The following DSCAM variants were observed in gnomAD, a reference collection of about 807,000 sequenced individuals.
DSCAM encodes DS cell adhesion molecule, also known as cell adhesion molecule DSCAM.
In DSCAM, 47 loss-of-function variants were observed where a neutral mutation model predicts 217.7. The ratio of observed to expected loss-of-function variants is 0.22; its 90% CI spans 0.17 to 0.28. The LOEUF is 0.28. Among genes scored for constraint, DSCAM ranks in the 10% least tolerant of loss-of-function variants. The pLI, the probability that DSCAM is intolerant of heterozygous loss-of-function variation, is 1.00. For missense variants in DSCAM, 2,080 were observed against 2,618.3 expected (o/e 0.79, Z 4.49); for synonymous variants, 1,056 against 1,015.3 (o/e 1.04, Z -0.76).
chr21:40,749,890 C>A (rs763542192), intron 1 of DSCAM, among the ~76,000 whole-genome samples: 5 of 151,984 alleles, frequency 3.3e-5, no homozygotes, highest in Admixed American at 6.6e-5. Context: ...TTATTTCTCC[C>A]ACGTAGCCTC....
At chr21:40,695,261 G>A (rs2090583520) in intron 2 of DSCAM, among the ~76,000 whole-genome samples, 1 of 152,056 alleles carries the variant, frequency 6.6e-6, no homozygotes, top group African/African-American at 2.4e-5. Context: ...CCCACCAGGT[G>A]TACAGCCTAC....
At chr21:40,614,827 A>T (rs2089366645) in intron 3 of DSCAM, among the ~76,000 whole-genome samples, 1 of 152,236 alleles carries the variant, frequency 6.6e-6, no homozygotes, top group Non-Finnish European at 1.5e-5. Flanking sequence ...TTTCAGAAGA[A>T]CATCAACAGG....
chr21:40,802,674 C>A (rs1473942861), intron 1 of DSCAM, among the ~76,000 whole-genome samples: 3 of 152,136 alleles, frequency 2.0e-5, no homozygotes, highest in Non-Finnish European at 4.4e-5. Flanking sequence ...GGCTTCGTAA[C>A]AGGAGAAAGA....
intron 3 of DSCAM, among the ~76,000 whole-genome samples, chr21:40,635,557 G>T (rs890935152): frequency 2.0e-5 from 3 of 152,204 alleles, no homozygotes; most frequent in Admixed American, 6.5e-5. Context: ...GTATGCCGGT[G>T]TGTGCGTGGG....
At chr21:40,548,635 T>A (rs940293915) in intron 3 of DSCAM, among the ~76,000 whole-genome samples, 91 of 152,216 alleles carry the variant, frequency 6.0e-4, no homozygotes, top group African/African-American at 2.1e-3. Flanking sequence ...ATTACAGCAG[T>A]TTTTTTCTTT....
At chr21:40,465,771 T>C (rs1422645201) in intron 3 of DSCAM, among the ~76,000 whole-genome samples, 1 of 152,064 alleles carries the variant, frequency 6.6e-6, no homozygotes, top group Non-Finnish European at 1.5e-5. Context: ...TTCTAGAGAA[T>C]AAAATTATAT....
At chr21:40,431,202 G>A (rs991311987) in intron 3 of DSCAM, among the ~76,000 whole-genome samples, 2 of 152,202 alleles carry the variant, frequency 1.3e-5, no homozygotes, top group East Asian at 1.9e-4. Context: ...GTAATGGGGT[G>A]TACAACTGGC....
At chr21:40,440,149 A>G (rs2145911744) in intron 3 of DSCAM, among the ~76,000 whole-genome samples, 1 of 152,362 alleles carries the variant, frequency 6.6e-6, no homozygotes, top group Admixed American at 6.5e-5. Flanking sequence ...CATTTGGGTG[A>G]TCAGCATCCA....
chr21:40,442,693 G>T (rs920038908), intron 3 of DSCAM, among the ~76,000 whole-genome samples: 5 of 151,862 alleles, frequency 3.3e-5, no homozygotes, highest in Non-Finnish European at 7.4e-5. Flanking sequence ...TGTATTTTCA[G>T]TAAAGACGGG....
rs781279912 is a variant in DSCAM, at chr21:40,189,165, C to T, written c.2430G>A (p.Thr810=). Residue 810 remains threonine (T), a synonymous_variant, in exon 12 of 33, where the codon ACG becomes ACA. Coordinates refer to ENST00000400454, the MANE Select transcript of DSCAM (RefSeq NM_001389.5). ...TQGQKKEMSC[T]AHGEKPIIVR... Reference sequence around the variant, plus strand: ...CTATAATGGGCTTCTCACCATGCGCCGTGCAGCTCATCTCCTTTTTCTGCC... The same window carrying T: ...CTATAATGGGCTTCTCACCATGCGCTGTGCAGCTCATCTCCTTTTTCTGCC... The T allele has an allele frequency of 2.3e-5, 37 of 1,613,782 alleles. No homozygotes were observed. The highest frequency in any genetic ancestry group is 8.8e-5 in the South Asian group (8 of 91,008).
intron 2 of DSCAM, among the ~76,000 whole-genome samples, chr21:40,698,440 G>A (rs62223025): frequency 0.13 from 20,289 of 152,142 alleles, 1,424 homozygotes; most frequent in Admixed American, 0.19. Flanking sequence ...AAACTTAGGC[G>A]ATGTCCAGGA....
At chr21:40,573,092 C>T (rs1206933258) in intron 3 of DSCAM, among the ~76,000 whole-genome samples, 1 of 152,168 alleles carries the variant, frequency 6.6e-6, no homozygotes, top group Non-Finnish European at 1.5e-5. Flanking sequence ...GATCCCAGCA[C>T]TTTGAGAGGC....
chr21:40,093,584 C>A, intron 21 of DSCAM, 137 bp downstream of exon 21: 3 of 1,074,960 alleles, frequency 2.8e-6, no homozygotes, highest in Non-Finnish European at 4.1e-6. Context: ...TTAGCCACAA[C>A]CCTGTTTCTT....
chr21:40,124,739 C>A (rs2090076450), intron 19 of DSCAM, among the ~76,000 whole-genome samples: 1 of 152,082 alleles, frequency 6.6e-6, no homozygotes, highest in African/African-American at 2.4e-5. Flanking sequence ...TAAAGAGAAC[C>A]AGCCCTGCAG....
chr21:40,112,775 A>G lies in DSCAM; in HGVS notation c.3696+11420T>C, dbSNP rs374396905. Among the ~76,000 whole-genome samples the G allele has an allele frequency of 8.5e-5, 13 of 152,340 alleles. No homozygotes were observed. The East Asian group carries it at 9.6e-4, about 11-fold the overall frequency. On this transcript the variant is annotated intron_variant, in intron 20 of 32. Coordinates refer to ENST00000400454, the MANE Select transcript of DSCAM (RefSeq NM_001389.5). ...CAGAAATACAAACTACCATCAGAGA[A>G]TACTATACACACCTCTATGCAAATA... is the stretch of plus-strand genomic sequence containing the variant.
At chr21:40,431,478 A>G (rs183667129) in intron 3 of DSCAM, among the ~76,000 whole-genome samples, 178 of 152,220 alleles carry the variant, frequency 1.2e-3, no homozygotes, top group African/African-American at 4.2e-3. Flanking sequence ...AGCCTACTCA[A>G]TGTGAAGACG....
chr21:40,347,416 G>T (rs561963563), intron 6 of DSCAM, among the ~76,000 whole-genome samples: 9 of 152,216 alleles, frequency 5.9e-5, no homozygotes, highest in African/African-American at 1.7e-4. Context: ...AACCCTGGCA[G>T]ATAACTTCTA....
At chr21:40,568,316 T>TA (rs1197459055) in intron 3 of DSCAM, among the ~76,000 whole-genome samples, 10 of 151,646 alleles carry the variant, frequency 6.6e-5, no homozygotes, top group Admixed American at 2.0e-4. Context: ...AATATATATA[T>TA]TTTTTTTCTT....
At chr21:40,076,410 C>T (rs2089366693) in intron 26 of DSCAM, among the ~76,000 whole-genome samples, 1 of 152,134 alleles carries the variant, frequency 6.6e-6, no homozygotes, top group Admixed American at 6.5e-5. Flanking sequence ...TGAATGTAGG[C>T]TGCCAATCTT....
Sources: allele counts gnomAD v4.1 joint callset (sites outside exome capture counted in the v4.1 genomes callset), GRCh38; gene constraint gnomAD v4.1.1; transcripts MANE v1.5; gene names NCBI Gene and HGNC (gene_info 2026-07-23, HGNC 2026-07-21).